ZMYM2: variants seen among roughly 807,000 people sequenced by gnomAD.
ZMYM2 encodes the protein zinc finger MYM-type protein 2.
Under a neutral mutation model 162.8 loss-of-function variants are expected in ZMYM2, and 56 were observed. The observed-to-expected ratio is 0.34, with a 90% CI of 0.28 to 0.43. ZMYM2 has a LOEUF of 0.43. Among genes scored for constraint, ZMYM2 ranks in the 20% least tolerant of loss-of-function variants. ZMYM2 has a pLI of 1.00. For synonymous variants in ZMYM2, 510 were observed against 541.6 expected (o/e 0.94, Z 0.81); for missense variants, 1,275 against 1,621.8 (o/e 0.79, Z 3.67).
At chr13:20,066,686 G>A (rs1162933631) in intron 19 of ZMYM2, 165 bp from the exon 20 acceptor site, 2 of 538,730 alleles carry the variant, frequency 3.7e-6, no homozygotes, top group Middle Eastern at 5.1e-4. Context: ...GGTTGGAGAG[G>A]CAGGCACACA....
At chr13:19,883,456 G>A in the ZMYM2 span, among the ~76,000 whole-genome samples, 2 of 152,008 alleles carry the variant, frequency 1.3e-5, no homozygotes, top group Non-Finnish European at 2.9e-5. Flanking sequence ...CGAAAACTTC[G>A]GGATATCTGA....
chr13:19,992,108 G>C (rs185225230), intron 2 of ZMYM2, among the ~76,000 whole-genome samples: 1 of 152,100 alleles, frequency 6.6e-6, no homozygotes, highest in African/African-American at 2.4e-5. Flanking sequence ...CCTTTATTCA[G>C]CCTGCTACTG....
At chr13:19,894,334 A>G in the ZMYM2 span, among the ~76,000 whole-genome samples, 1 of 151,178 alleles carries the variant, frequency 6.6e-6, no homozygotes, top group African/African-American at 2.4e-5. Context: ...TTATAATAAA[A>G]TACTGGATAT....
chr13:20,069,903 C>T (rs953054825), intron 21 of ZMYM2, among the ~76,000 whole-genome samples: 4 of 151,344 alleles, frequency 2.6e-5, no homozygotes, highest in Non-Finnish European at 5.9e-5. Context: ...CCTGGTATCT[C>T]AAAATCCTTT....
At chr13:20,051,863 A>C (rs754772201) in intron 13 of ZMYM2, among the ~76,000 whole-genome samples, 12 of 152,190 alleles carry the variant, frequency 7.9e-5, no homozygotes, top group Non-Finnish European at 1.5e-4. Context: ...CTATAACACA[A>C]ATTTTAAAAA....
Position 20,051,562 on chromosome 13 carries a change from A to T in ZMYM2, c.2422A>T (p.Met808Leu), listed in dbSNP as rs765327369. 4 of 1,613,226 alleles carry T rather than the reference A, an allele frequency of 2.5e-6. No individual in the cohort carries two copies. Among genetic ancestry groups the T allele is most frequent in the Non-Finnish European group, 3.4e-6 (4 of 1,179,486 alleles). ...RFYCQQNEPN[M>L]TTQKGPENLH... is the part of the protein sequence containing the mutation. ...CTACTGTCAACAAAATGAGCCCAAC[A>T]TGACAACTCAGAAAGGACCTGAAAA... Residue 808 changes from methionine to leucine, a missense_variant, in exon 13 of 25, where the codon ATG becomes TTG. By Grantham distance (15) the Met-to-Leu change is conservative. Transcript: ENST00000610343.
chr13:20,065,912 T>G (rs1039573684), intron 19 of ZMYM2, among the ~76,000 whole-genome samples: 2 of 152,144 alleles, frequency 1.3e-5, no homozygotes, highest in Non-Finnish European at 2.9e-5. Context: ...GAAAAGTACT[T>G]AAGTGTCACT....
the ZMYM2 span, among the ~76,000 whole-genome samples, chr13:19,910,357 T>C: frequency 1.3e-5 from 2 of 152,130 alleles, no homozygotes; most frequent in East Asian, 3.9e-4. Context: ...GGCTGACACA[T>C]GGACTATAAA....
chr13:19,892,591 A>C, the ZMYM2 span, among the ~76,000 whole-genome samples: 2 of 151,444 alleles, frequency 1.3e-5, no homozygotes, highest in East Asian at 3.9e-4. Flanking sequence ...TGATTTAAAT[A>C]AAATTTTGAC....
At chr13:19,874,231 T>C in the ZMYM2 span, among the ~76,000 whole-genome samples, 1 of 151,954 alleles carries the variant, frequency 6.6e-6, no homozygotes, top group East Asian at 1.9e-4. Flanking sequence ...TTTTTCTTTT[T>C]CTTTTTGAGA....
At chr13:20,057,344 G>C (rs1955877045) in intron 14 of ZMYM2, among the ~76,000 whole-genome samples, 1 of 151,650 alleles carries the variant, frequency 6.6e-6, no homozygotes, top group Non-Finnish European at 1.5e-5. Context: ...CACCATGTTG[G>C]CCAGGCTGGT....
At chr13:20,019,780 T>G in intron 7 of ZMYM2, 162 bp downstream of exon 7, 1 of 627,258 alleles carries the variant, frequency 1.6e-6, no homozygotes, top group Non-Finnish European at 2.8e-6. Flanking sequence ...GAGACATAGA[T>G]TTCTAATTTC....
At chr13:19,898,056 A>G in the ZMYM2 span, among the ~76,000 whole-genome samples, 3 of 152,336 alleles carry the variant, frequency 2.0e-5, no homozygotes, top group Admixed American at 2.0e-4. Flanking sequence ...TTTCTCAGGT[A>G]CACATGGGAA....
intron 12 of ZMYM2, among the ~76,000 whole-genome samples, chr13:20,044,289 C>T (rs1280851050): frequency 6.6e-6 from 1 of 152,178 alleles, no homozygotes; most frequent in Non-Finnish European, 1.5e-5. Flanking sequence ...AGGGTTTCCT[C>T]CTGCTGAGAT....
At chr13:20,052,200 T>C (rs931076422) in intron 13 of ZMYM2, 77 bp from the exon 14 acceptor site, 2 of 1,239,906 alleles carry the variant, frequency 1.6e-6, no homozygotes. Flanking sequence ...ATTGGTGAAA[T>C]TTAATGAGAA....
chr13:20,053,410 C>T (rs1362438559), intron 14 of ZMYM2, among the ~76,000 whole-genome samples: 1 of 152,184 alleles, frequency 6.6e-6, no homozygotes, highest in Admixed American at 6.5e-5. Flanking sequence ...CCTGTAATCC[C>T]TGCAACAAGG....
chr13:19,988,660 A>G lies in ZMYM2; in HGVS notation c.-10-4403A>G, dbSNP rs544634849. Among the ~76,000 whole-genome samples, 7 of 152,206 alleles carry G rather than the reference A, an allele frequency of 4.6e-5. No homozygotes were observed. In the South Asian group the frequency reaches 1.4e-3, roughly 32 times the overall value. ...TAGCTGGGCGTGGTGGCGCATGCCT[A>G]TGGTCTCAGCTACTCAGGAGGCTGA... On this transcript the variant is annotated intron_variant, in intron 2 of 24. Coordinates refer to ENST00000610343, the MANE Select transcript of ZMYM2 (RefSeq NM_197968.4).
intron 2 of ZMYM2, among the ~76,000 whole-genome samples, chr13:19,967,948 G>C (rs527613913): frequency 6.6e-6 from 1 of 152,094 alleles, no homozygotes; most frequent in African/African-American, 2.4e-5. Context: ...CCCTCTTCTG[G>C]CTTTTTCATT....
intron 14 of ZMYM2, among the ~76,000 whole-genome samples, chr13:20,057,620 A>G (rs1380991640): frequency 1.3e-5 from 2 of 152,212 alleles, no homozygotes; most frequent in African/African-American, 2.4e-5. Flanking sequence ...CGTGTGCATT[A>G]TATCTGTACT....
Sources: gnomAD v4.1 joint callset for allele counts (sites outside exome capture counted in the v4.1 genomes callset) on GRCh38, gnomAD v4.1.1 for gene constraint, MANE v1.5 for transcripts, NCBI Gene and HGNC (gene_info 2026-07-23, HGNC 2026-07-21) for gene names.